LAMC2: variants seen among roughly 807,000 people sequenced by gnomAD.
The protein encoded by LAMC2 is laminin subunit gamma 2.
Under a neutral mutation model 140.2 loss-of-function variants are expected in LAMC2, and 97 were observed. The ratio of observed to expected loss-of-function variants is 0.69; its 90% CI spans 0.59 to 0.82. The LOEUF (loss-of-function observed/expected upper bound fraction) is 0.82, where lower values mean the gene tolerates loss of function less well. Ranked by LOEUF, LAMC2 falls within the 40% of genes least tolerant of loss-of-function variation. The probability of loss-of-function intolerance (pLI) is 0.00; values close to 1 mark genes in which losing one functional copy is unlikely to be tolerated. For synonymous variants in LAMC2, 513 were observed against 540.2 expected (o/e 0.95, Z 0.70); for missense variants, 1,402 against 1,476.1 (o/e 0.95, Z 0.82).
At chr1:183,237,029 G>T (rs935983655) in intron 17 of LAMC2, among the ~76,000 whole-genome samples, 1 of 152,052 alleles carries the variant, frequency 6.6e-6, no homozygotes, top group African/African-American at 2.4e-5. Context: ...CGATTAAGAA[G>T]ATTTTGTTTA....
intron 19 of LAMC2, among the ~76,000 whole-genome samples, chr1:183,238,784 A>G (rs1025098172): frequency 2.0e-5 from 3 of 152,216 alleles, no homozygotes; most frequent in Non-Finnish European, 4.4e-5. Flanking sequence ...CCACTACTGT[A>G]CAGACATTTT....
chr1:183,215,825 C>T lies in LAMC2; in HGVS notation c.404+237C>T, dbSNP rs875795. On this transcript the variant is annotated intron_variant, in intron 3 of 22. Coordinates refer to ENST00000264144, the MANE Select transcript of LAMC2 (RefSeq NM_005562.3). ...ATGAGGTTAAGTTGCCTGATGTTAC[C>T]GGTGAGGCTGGACCTAATACTTAAG... Among the ~76,000 whole-genome samples, 39,055 of 151,946 alleles carry T rather than the reference C, an allele frequency of 0.26. 5,800 individuals carry two copies. The highest frequency in any genetic ancestry group is 0.39 in the African/African-American group (16,083 of 41,422).
At position 183,239,549 on chromosome 1, in the gene LAMC2, A is replaced by G; in HGVS notation, c.3055A>G (p.Ser1019Gly). Reference sequence around the variant, plus strand: ...GGCCGGGGAGGCCCTGGAAATCTCCAGTGAGATTGAACAGGTAAAGAGAAA... The same window carrying G: ...GGCCGGGGAGGCCCTGGAAATCTCCGGTGAGATTGAACAGGTAAAGAGAAA... ...NGAGEALEIS[S>G]EIEQEIGSLN... Residue 1019 changes from serine (S) to glycine (G), a missense_variant, in exon 20 of 23, where the codon AGT (serine) becomes GGT (glycine). Physicochemically the swap from Ser to Gly is moderately conservative, Grantham distance 56. This residue lies in a region of LAMC2 where 670 missense variants were observed against 667.2 expected (regional missense o/e 1.00). Transcript: ENST00000264144. The G allele has an allele frequency of 6.2e-7, 1 of 1,613,598 alleles. No individual in the cohort carries two copies. The highest frequency in any genetic ancestry group is 2.2e-5 in the East Asian group (1 of 44,880).
chr1:183,239,925 A>G, intron 20 of LAMC2, 115 bp from the exon 21 acceptor site: 2 of 1,131,780 alleles, frequency 1.8e-6, no homozygotes, highest in Non-Finnish European at 2.7e-6. Flanking sequence ...TTATTCATCT[A>G]ATTTACTCCA....
At chr1:183,217,256 C>A (rs3820693) in intron 3 of LAMC2, among the ~76,000 whole-genome samples, 39,045 of 151,936 alleles carry the variant, frequency 0.26, 5,794 homozygotes, top group African/African-American at 0.39. Context: ...CACATGATTG[C>A]GTGCAAAGTG....
intron 1 of LAMC2, 44 bp from the exon 2 acceptor site, chr1:183,207,837 T>TTTG: frequency 3.2e-6 from 4 of 1,247,010 alleles, no homozygotes; most frequent in Admixed American, 2.0e-5. Flanking sequence ...CCTGAGGTGT[T>TTTG]TTTTTTTTTT....
Position 183,244,567 on chromosome 1 carries a change from G to C in LAMC2, c.*1167G>C, listed in dbSNP as rs1047494137. ...AAATAAATTTAAACTTACAAACTTT[G>C]TTTGTCACAAGTGGTGTTTATTGCA... On this transcript the variant is annotated 3_prime_UTR_variant, in exon 23 of 23. Coordinates refer to ENST00000264144, the MANE Select transcript of LAMC2 (RefSeq NM_005562.3). The C allele has an allele frequency of 6.6e-6, 1 of 152,670 alleles. No homozygotes were observed. The highest frequency in any genetic ancestry group is 2.4e-5 in the African/African-American group (1 of 41,474). 9.5% of individuals were successfully genotyped at this position (152,670 alleles called of 1,614,324 possible).
intron 7 of LAMC2, among the ~76,000 whole-genome samples, chr1:183,225,025 T>A (rs1659584287): frequency 6.6e-6 from 1 of 150,908 alleles, no homozygotes; most frequent in Non-Finnish European, 1.5e-5. Flanking sequence ...AATCAGTGAA[T>A]GAAACGAAGG....
intron 1 of LAMC2, among the ~76,000 whole-genome samples, chr1:183,191,838 A>G (rs689375): frequency 0.57 from 86,274 of 151,474 alleles, 25,319 homozygotes; most frequent in East Asian, 0.73. Context: ...CAGCCTGGGC[A>G]ACAGAATGAG....
At chr1:183,232,399 T>C in intron 13 of LAMC2, 56 bp downstream of exon 13, 1 of 1,585,280 alleles carries the variant, frequency 6.3e-7, no homozygotes, top group Non-Finnish European at 8.6e-7. Context: ...CTAGAAGGAA[T>C]GGCTACGTTA....
chr1:183,203,284 C>A (rs1344986147), intron 1 of LAMC2, among the ~76,000 whole-genome samples: 1 of 152,164 alleles, frequency 6.6e-6, no homozygotes, highest in Non-Finnish European at 1.5e-5. Flanking sequence ...TGGGCAGAAT[C>A]CCCACCACTT....
chr1:183,243,397 G>A lies in LAMC2; in HGVS notation c.3579G>A (p.Gln1193=), dbSNP rs748740905. The change falls in exon 23 of 23, where the codon CAG becomes CAA. Residue 1193 remains glutamine, a synonymous_variant. Transcript: ENST00000264144. ...GCYNTQALEQ[Q] ...ACAATACCCAGGCTCTTGAGCAACA[G>A]TGAAGCTGCCATAAATATTTCTCAA... The A allele has an allele frequency of 1.9e-6, 3 of 1,614,216 alleles. No homozygotes were observed. Among genetic ancestry groups the A allele is most frequent in the Non-Finnish European group, 2.5e-6 (3 of 1,180,028 alleles).
the LAMC2 span, among the ~76,000 whole-genome samples, chr1:183,253,937 G>T: frequency 7.1e-6 from 1 of 140,266 alleles, no homozygotes; most frequent in East Asian, 2.3e-4. Context: ...GTGTGTGTGT[G>T]TGTGTGTATG....
intron 1 of LAMC2, among the ~76,000 whole-genome samples, chr1:183,189,074 G>A (rs1331791103): frequency 6.6e-6 from 1 of 152,184 alleles, no homozygotes; most frequent in Admixed American, 6.5e-5. Context: ...ATTCAAATGA[G>A]AGATGATGAA....
At chr1:183,235,836 A>G in intron 16 of LAMC2, 106 bp downstream of exon 16, 1 of 1,148,660 alleles carries the variant, frequency 8.7e-7, no homozygotes, top group East Asian at 2.6e-5. Context: ...AAAACATATT[A>G]TTAATGATAA....
chr1:183,227,730 C>G, intron 10 of LAMC2, 33 bp downstream of exon 10: 3 of 1,597,916 alleles, frequency 1.9e-6, no homozygotes, highest in Non-Finnish European at 2.6e-6. Context: ...CCACCTGCCT[C>G]TTCCTGTCCT....
intron 17 of LAMC2, 56 bp from the exon 18 acceptor site, chr1:183,237,296 C>G: frequency 6.3e-7 from 1 of 1,596,272 alleles, no homozygotes; most frequent in South Asian, 1.1e-5. Context: ...CCTAACAAGG[C>G]TGGTGTGGTA....
At chr1:183,221,970 T>C (rs977128656) in intron 5 of LAMC2, 119 bp from the exon 6 acceptor site, 5 of 1,246,780 alleles carry the variant, frequency 4.0e-6, no homozygotes, top group Non-Finnish European at 5.9e-6. Flanking sequence ...TGTGGAAATA[T>C]TGAGAAAACC....
chr1:183,253,557 T>G, the LAMC2 span, among the ~76,000 whole-genome samples: 5 of 152,156 alleles, frequency 3.3e-5, no homozygotes, highest in Non-Finnish European at 4.4e-5. Flanking sequence ...ATTTGCTACT[T>G]TGTATCCTTT....
Sources: allele counts gnomAD v4.1 joint callset (sites outside exome capture counted in the v4.1 genomes callset), GRCh38; gene constraint gnomAD v4.1.1; regional missense constraint gnomAD v4.1.1; transcripts MANE v1.5; gene names NCBI Gene and HGNC (gene_info 2026-07-23, HGNC 2026-07-21).